EYA2: variants seen among roughly 807,000 people sequenced by gnomAD.
The protein encoded by EYA2 is protein phosphatase EYA2.
In EYA2, 31 loss-of-function variants were observed where a neutral mutation model predicts 69.2. The ratio of observed to expected loss-of-function variants is 0.45; its 90% CI spans 0.34 to 0.60. The LOEUF (loss-of-function observed/expected upper bound fraction) is 0.60. EYA2 is among the 20% of genes least tolerant of loss of function. EYA2 has a pLI of 0.02. For missense variants in EYA2, 622 were observed against 701.2 expected (o/e 0.89, Z 1.28); for synonymous variants, 257 against 279.4 (o/e 0.92, Z 0.80).
chr20:47,179,443 G>T (rs548180589), intron 12 of EYA2, among the ~76,000 whole-genome samples: 2 of 127,846 alleles, frequency 1.6e-5, no homozygotes, highest in Non-Finnish European at 3.5e-5. Context: ...TAGGTGGGTG[G>T]GTGGATGGAT....
intron 1 of EYA2, among the ~76,000 whole-genome samples, chr20:46,954,519 G>A (rs928169686): frequency 2.6e-5 from 4 of 152,328 alleles, no homozygotes; most frequent in African/African-American, 4.8e-5. Flanking sequence ...TGCGTAGCAC[G>A]CAGTCTCCTG....
At chr20:47,172,117 TAAAAAAAA>T (rs531459806) in intron 11 of EYA2, among the ~76,000 whole-genome samples, 50 of 136,668 alleles carry the variant, frequency 3.7e-4, no homozygotes, top group African/African-American at 1.5e-3. Flanking sequence ...TAAAAAAAAA[TAAAAAAAA>T]TAAAAAAATA....
chr20:46,946,538 C>G (rs548642428), intron 1 of EYA2, among the ~76,000 whole-genome samples: 88 of 152,278 alleles, frequency 5.8e-4, no homozygotes, highest in African/African-American at 2.1e-3. Context: ...TGATTACCAT[C>G]ATTTGAACAT....
At chr20:47,018,437 A>G (rs1013533473) in intron 5 of EYA2, among the ~76,000 whole-genome samples, 4 of 152,190 alleles carry the variant, frequency 2.6e-5, no homozygotes, top group Admixed American at 2.6e-4. Context: ...TGACAAGTAG[A>G]TAGATAATTA....
At chr20:47,080,597 A>G (rs149419662) in intron 7 of EYA2, among the ~76,000 whole-genome samples, 1 of 152,304 alleles carries the variant, frequency 6.6e-6, no homozygotes, top group African/African-American at 2.4e-5. Context: ...GACTATAGTT[A>G]ATAAATAAGG....
At chr20:47,068,067 C>T (rs1211131592) in intron 5 of EYA2, among the ~76,000 whole-genome samples, 1 of 152,192 alleles carries the variant, frequency 6.6e-6, no homozygotes, top group South Asian at 2.1e-4. Context: ...TTAATCTTAG[C>T]TTCACAGCCT....
chr20:47,145,261 G>T (rs1286658375), intron 10 of EYA2, among the ~76,000 whole-genome samples: 2 of 152,150 alleles, frequency 1.3e-5, no homozygotes, highest in Non-Finnish European at 2.9e-5. Context: ...TCCAGGGAAG[G>T]CCTCTTAAGG....
chr20:47,063,666 T>G (rs2030996820), intron 5 of EYA2, among the ~76,000 whole-genome samples: 1 of 152,120 alleles, frequency 6.6e-6, no homozygotes, highest in African/African-American at 2.4e-5. Flanking sequence ...GTTATAACTT[T>G]GTAACTTTAC....
chr20:46,951,610 C>G (rs1181089244), intron 1 of EYA2, among the ~76,000 whole-genome samples: 1 of 152,178 alleles, frequency 6.6e-6, no homozygotes, highest in African/African-American at 2.4e-5. Context: ...CATCATGGGC[C>G]ACCAGGGAGC....
At chr20:46,896,404 C>CA (rs71892947) in intron 1 of EYA2, among the ~76,000 whole-genome samples, 37,058 of 141,388 alleles carry the variant, frequency 0.26, 5,103 homozygotes, top group African/African-American at 0.38. Flanking sequence ...ATCCTGCTTA[C>CA]AAAAAAAAAA....
intron 1 of EYA2, among the ~76,000 whole-genome samples, chr20:46,940,260 G>T (rs1310944213): frequency 6.6e-6 from 1 of 152,186 alleles, no homozygotes; most frequent in East Asian, 1.9e-4. Flanking sequence ...TGTGTGCCAG[G>T]CATAGCTGTA....
rs1439876778 is a variant in EYA2 at position 47,163,558 on chromosome 20, C to T, written c.979-5581C>T. ...TACTAAAAATACAAAATTAGCTGGG[C>T]GTGGTGGTGCATGCCTGTAATCCCA... On this transcript the variant is annotated intron_variant, in intron 10 of 15. Coordinates refer to ENST00000327619, the MANE Select transcript of EYA2 (RefSeq NM_005244.5). Among the ~76,000 whole-genome samples the T allele has an allele frequency of 1.3e-4, 19 of 151,790 alleles. No homozygotes were observed. In the East Asian group the frequency reaches 3.5e-3, roughly 28 times the overall value.
At chr20:47,074,428 A>G in intron 7 of EYA2, 93 bp downstream of exon 7, 3 of 1,323,532 alleles carry the variant, frequency 2.3e-6, no homozygotes, top group Non-Finnish European at 3.2e-6. Context: ...TGTAACAAAC[A>G]GGTTACCCAA....
chr20:47,147,995 G>C (rs1179469596), intron 10 of EYA2, among the ~76,000 whole-genome samples: 1 of 145,672 alleles, frequency 6.9e-6, no homozygotes, highest in Non-Finnish European at 1.5e-5. Context: ...GGAGGCGGAA[G>C]CTGCAGTGAG....
intron 5 of EYA2, among the ~76,000 whole-genome samples, chr20:47,056,638 A>G (rs1327831793): frequency 6.6e-6 from 1 of 152,172 alleles, no homozygotes; most frequent in Non-Finnish European, 1.5e-5. Flanking sequence ...AAGTTCAACC[A>G]TGTGTCCATA....
intron 10 of EYA2, among the ~76,000 whole-genome samples, chr20:47,168,109 T>A (rs2034242308): frequency 6.6e-6 from 1 of 152,190 alleles, no homozygotes; most frequent in African/African-American, 2.4e-5. Context: ...ATGTTCATCC[T>A]TGAAGCAATC....
At chr20:47,120,975 G>A (rs1321289917) in intron 9 of EYA2, among the ~76,000 whole-genome samples, 3 of 152,152 alleles carry the variant, frequency 2.0e-5, no homozygotes, top group Non-Finnish European at 4.4e-5. Context: ...GAGAATTGGT[G>A]CTAATTCTTT....
intron 5 of EYA2, among the ~76,000 whole-genome samples, chr20:47,035,556 T>C (rs1984653888): frequency 3.9e-5 from 6 of 152,204 alleles, no homozygotes; most frequent in Admixed American, 3.3e-4. Context: ...CGTGCACCTC[T>C]GTTCTCCTCT....
intron 10 of EYA2, chr20:47,166,903 C>T (rs1351061221): frequency 6.5e-6 from 1 of 152,852 alleles, no homozygotes; most frequent in African/African-American, 2.4e-5. Context: ...AGAGCCTGCA[C>T]CCTGAACCAG....
Sources: allele counts gnomAD v4.1 joint callset (sites outside exome capture counted in the v4.1 genomes callset), GRCh38; gene constraint gnomAD v4.1.1; transcripts MANE v1.5; gene names NCBI Gene and HGNC (gene_info 2026-07-23, HGNC 2026-07-21).